Variants in ANKRD36 observed in about 807,000 individuals in gnomAD.
The protein encoded by ANKRD36 is ankyrin repeat domain 36.
A neutral mutation model predicts 278.1 loss-of-function variants in ANKRD36; 179 were observed. The observed-to-expected ratio is 0.64, with a 90% confidence interval of 0.57 to 0.73. The LOEUF (loss-of-function observed/expected upper bound fraction) is 0.73. Among genes scored for constraint, ANKRD36 ranks in the 30% least tolerant of loss-of-function variants. ANKRD36 has a pLI of 0.00. For missense variants in ANKRD36, 1,159 were observed against 1,956.7 expected, an observed-to-expected ratio of 0.59 and a Z score of 7.69; for synonymous variants, 320 against 641.1, an observed-to-expected ratio of 0.50 and a Z score of 7.57.
intron 56 of ANKRD36, among the ~76,000 whole-genome samples, chr2:97,210,536 A>G (rs1308218187): frequency 6.6e-6 from 1 of 151,864 alleles, no homozygotes; most frequent in Non-Finnish European, 1.5e-5. Context: ...CTTTGTTACT[A>G]GGAGGCGTCA....
chr2:97,151,273 G>A (rs1340002971), intron 12 of ANKRD36, among the ~76,000 whole-genome samples: 2 of 151,780 alleles, frequency 1.3e-5, no homozygotes, highest in African/African-American at 4.8e-5. Flanking sequence ...GTAGCTATGT[G>A]TGGCCTTCAT....
chr2:97,224,666 G>A, intron 66 of ANKRD36, 140 bp from the exon 67 acceptor site: 1 of 1,028,856 alleles, frequency 9.7e-7, no homozygotes, highest in Non-Finnish European at 1.3e-6. Context: ...TAGCCAGGAT[G>A]GTCTCGATCT....
intron 40 of ANKRD36, among the ~76,000 whole-genome samples, chr2:97,195,823 A>G (rs2059601109): frequency 6.6e-6 from 1 of 151,950 alleles, no homozygotes; most frequent in Admixed American, 6.6e-5. Flanking sequence ...ATGATTTCTG[A>G]ATGTAAAACT....
intron 46 of ANKRD36, among the ~76,000 whole-genome samples, chr2:97,201,925 G>A (rs552184639): frequency 6.6e-6 from 1 of 151,984 alleles, no homozygotes; most frequent in Admixed American, 6.6e-5. Context: ...TCATCACTCG[G>A]CATATCCACA....
At chr2:97,227,646 G>T (rs1191863815) in intron 67 of ANKRD36, among the ~76,000 whole-genome samples, 1 of 152,106 alleles carries the variant, frequency 6.6e-6, no homozygotes, top group Admixed American at 6.5e-5. Flanking sequence ...GCCCTAACCA[G>T]AACTTCCAAC....
intron 3 of ANKRD36, among the ~76,000 whole-genome samples, chr2:97,121,501 G>T: frequency 6.6e-6 from 1 of 152,224 alleles, no homozygotes; most frequent in Middle Eastern, 3.4e-3. Flanking sequence ...TTAGCTGGGT[G>T]TGGTGGCACA....
At chr2:97,176,527 G>A (rs564839623) in intron 22 of ANKRD36, among the ~76,000 whole-genome samples, 6 of 147,794 alleles carry the variant, frequency 4.1e-5, no homozygotes, top group East Asian at 2.0e-4. Context: ...GTCTCTGCAC[G>A]TGAGATGGGT....
rs1212395856 is a variant in ANKRD36, at chr2:97,209,269, T to G, written c.3266-412T>G. ...CAAGTTAAAGAGCATGAAGAATGTT[T>G]GTAGTATAATGGTGTAAATCCTTTT... On this transcript the variant is annotated intron_variant, in intron 54 of 75. Transcript: ENST00000420699. Among the ~76,000 whole-genome samples, 27 of 146,452 alleles carry G rather than the reference T, an allele frequency of 1.8e-4. 2 individuals carry two copies. The highest frequency in any genetic ancestry group is 1.8e-3 in the Admixed American group (27 of 14,830).
intron 40 of ANKRD36, among the ~76,000 whole-genome samples, chr2:97,195,388 A>T (rs2059482421): frequency 6.6e-6 from 1 of 151,966 alleles, no homozygotes; most frequent in African/African-American, 2.4e-5. Flanking sequence ...TGAGGCAGGA[A>T]TGTGGGAAAA....
chr2:97,135,992 G>T (rs1457583183), intron 6 of ANKRD36, among the ~76,000 whole-genome samples: 1 of 151,888 alleles, frequency 6.6e-6, no homozygotes, highest in African/African-American at 2.4e-5. Context: ...GATATCATCT[G>T]TATGCTAATG....
intron 3 of ANKRD36, among the ~76,000 whole-genome samples, chr2:97,121,460 G>T (rs1182898221): frequency 1.3e-5 from 2 of 152,064 alleles, no homozygotes; most frequent in African/African-American, 4.8e-5. Context: ...CTAACACGGT[G>T]AAACCCCCTC....
chr2:97,172,831 A>ATGTG (rs368506104), intron 22 of ANKRD36, among the ~76,000 whole-genome samples: 6,302 of 146,430 alleles, frequency 0.043, 188 homozygotes, highest in African/African-American at 0.093. Context: ...TTGTGTGTGA[A>ATGTG]TGTGTGTGTG....
intron 58 of ANKRD36, 32 bp downstream of exon 58, chr2:97,211,773 C>A: frequency 6.5e-7 from 1 of 1,548,840 alleles, no homozygotes; most frequent in Non-Finnish European, 8.7e-7. Flanking sequence ...ATATGATGTT[C>A]GGTCAGGGTA....
chr2:97,147,316 C>G (rs1315234821), intron 11 of ANKRD36, among the ~76,000 whole-genome samples: 1 of 151,592 alleles, frequency 6.6e-6, no homozygotes, highest in Non-Finnish European at 1.5e-5. Context: ...TTCTTGATTT[C>G]TTTTCACTTT....
intron 17 of ANKRD36, among the ~76,000 whole-genome samples, 166 bp from the exon 18 acceptor site, chr2:97,161,933 T>C (rs1575125667): frequency 6.6e-6 from 1 of 152,072 alleles, no homozygotes; most frequent in East Asian, 1.9e-4. Flanking sequence ...TTTATAAGTT[T>C]CTTTTTTCAC....
intron 50 of ANKRD36, among the ~76,000 whole-genome samples, chr2:97,204,873 A>G (rs1329488002): frequency 6.6e-6 from 1 of 151,582 alleles, no homozygotes; most frequent in African/African-American, 2.4e-5. Flanking sequence ...TGGAAGCAGG[A>G]AACAGTGGTT....
At chr2:97,240,725 A>C (rs1344941576) in intron 68 of ANKRD36, among the ~76,000 whole-genome samples, 1 of 100,104 alleles carries the variant, frequency 1.0e-5, no homozygotes, top group African/African-American at 4.5e-5. Context: ...AATCAGTTTA[A>C]TGTATTGTGT....
At chr2:97,198,292 T>G (rs990108610) in intron 42 of ANKRD36, among the ~76,000 whole-genome samples, 171 bp from the exon 43 acceptor site, 3 of 151,958 alleles carry the variant, frequency 2.0e-5, no homozygotes, top group African/African-American at 7.2e-5. Context: ...CTGTATTCCC[T>G]TTTCTCAGCG....
At chr2:97,201,473 T>A (rs1433208395) in intron 46 of ANKRD36, among the ~76,000 whole-genome samples, 3 of 151,962 alleles carry the variant, frequency 2.0e-5, no homozygotes, top group Non-Finnish European at 2.9e-5. Context: ...GCAGTTTTAC[T>A]TTGTGGAAAT....
Sources: allele counts gnomAD v4.1 joint callset (sites outside exome capture counted in the v4.1 genomes callset), GRCh38; gene constraint gnomAD v4.1.1; transcripts MANE v1.5; gene names NCBI Gene and HGNC (gene_info 2026-07-23, HGNC 2026-07-21).